The following CENPK variants were observed in gnomAD, a reference collection of about 807,000 sequenced individuals.
The protein encoded by CENPK is SoxLZ/Sox6-binding protein Solt.
Under a neutral mutation model 40.9 loss-of-function variants are expected in CENPK, and 46 were observed. The ratio of observed to expected loss-of-function variants is 1.13; its 90% CI spans 0.89 to 1.44. CENPK has a LOEUF of 1.44. Among genes scored for constraint, CENPK ranks in the 40% most tolerant of loss-of-function variants. The pLI, the probability that CENPK is intolerant of heterozygous loss-of-function variation, is 0.00. For synonymous variants in CENPK, 107 were observed against 104.4 expected, an observed-to-expected ratio of 1.02 and a Z score of -0.15; for missense variants, 288 against 303.5, an observed-to-expected ratio of 0.95 and a Z score of 0.38.
At chr5:65,534,703 T>C (rs1307488324) in intron 6 of CENPK, among the ~76,000 whole-genome samples, 11 of 152,214 alleles carry the variant, frequency 7.2e-5, no homozygotes, top group African/African-American at 2.7e-4. Flanking sequence ...CCGATATCAC[T>C]AACTCATACT....
At chr5:65,497,066 AAAAAT>A in the CENPK span, among the ~76,000 whole-genome samples, 2 of 151,918 alleles carry the variant, frequency 1.3e-5, no homozygotes, top group African/African-American at 4.8e-5. Flanking sequence ...TCCAAAAAAT[AAAAAT>A]AAAATAAAAA....
At chr5:65,534,422 A>G (rs1327864035) in intron 6 of CENPK, among the ~76,000 whole-genome samples, 2 of 152,224 alleles carry the variant, frequency 1.3e-5, no homozygotes, top group Non-Finnish European at 2.9e-5. Flanking sequence ...AAAGAACAAC[A>G]AAGTTAGAGA....
At chr5:65,533,309 C>A (rs1483410458) in intron 6 of CENPK, among the ~76,000 whole-genome samples, 1 of 148,020 alleles carries the variant, frequency 6.8e-6, no homozygotes, top group Non-Finnish European at 1.5e-5. Context: ...GAGATCGTGC[C>A]ATTGCACTCC....
chr5:65,497,368 CA>C, the CENPK span, among the ~76,000 whole-genome samples: 6 of 144,470 alleles, frequency 4.2e-5, no homozygotes, highest in Non-Finnish European at 3.0e-5. Context: ...GACTCCCTTT[CA>C]AAAAAAAAAG....
At chr5:65,518,704 G>T in intron 10 of CENPK, 71 bp from the exon 11 acceptor site, 1 of 944,660 alleles carries the variant, frequency 1.1e-6, no homozygotes, top group Non-Finnish European at 1.6e-6. Context: ...AAAGTTTTTT[G>T]TCAAAGAATA....
At chr5:65,549,581 C>A (rs538332190) in intron 5 of CENPK, among the ~76,000 whole-genome samples, 1 of 152,288 alleles carries the variant, frequency 6.6e-6, no homozygotes, top group South Asian at 2.1e-4. Context: ...TTAGCTAGAT[C>A]TTCTGGATAA....
In CENPK at chr5:65,554,934, C is replaced by T. The variant is rs542351057; in HGVS notation, c.-27G>A. The T allele has an allele frequency of 7.2e-7, 1 of 1,388,338 alleles. No homozygotes were observed. Among genetic ancestry groups the T allele is most frequent in the African/African-American group, 1.4e-5 (1 of 69,934 alleles). The allele number at this position is 1,388,338 out of a possible 1,614,324, so 86.0% of individuals were successfully genotyped here. ...GATATATGCTTTGTGAATTTTTAGCCTTATAAGAAAAACTAAAGCAAAAAA... is the reference window on the plus strand; with the variant it reads ...GATATATGCTTTGTGAATTTTTAGCTTTATAAGAAAAACTAAAGCAAAAAA... On this transcript the variant is annotated 5_prime_UTR_variant, in exon 3 of 11. Coordinates refer to ENST00000396679, the MANE Select transcript of CENPK (RefSeq NM_022145.5).
intron 5 of CENPK, among the ~76,000 whole-genome samples, chr5:65,548,865 G>A (rs1364214358): frequency 2.0e-5 from 3 of 152,064 alleles, no homozygotes; most frequent in African/African-American, 7.2e-5. Context: ...ACCCCTCAGA[G>A]TCATCCATGA....
chr5:65,542,706 G>A (rs1001434799), intron 6 of CENPK, 96 bp downstream of exon 6: 1 of 824,046 alleles, frequency 1.2e-6, no homozygotes, highest in Non-Finnish European at 1.9e-6. Context: ...TATGGTTTTA[G>A]AGTGGTTTTA....
chr5:65,524,152 G>C (rs1373422257), intron 9 of CENPK, among the ~76,000 whole-genome samples: 1 of 151,538 alleles, frequency 6.6e-6, no homozygotes. Context: ...AAGGCGGGCA[G>C]ATCACCAGCT....
At chr5:65,511,188 G>C in the CENPK span, among the ~76,000 whole-genome samples, 4 of 152,210 alleles carry the variant, frequency 2.6e-5, no homozygotes, top group African/African-American at 7.2e-5. Flanking sequence ...CAAAAGAAAA[G>C]TGTGAAGCTA....
intron 1 of CENPK, among the ~76,000 whole-genome samples, chr5:65,561,871 C>T (rs1327482756): frequency 2.0e-5 from 3 of 152,110 alleles, no homozygotes; most frequent in African/African-American, 7.2e-5. Context: ...TTCATTTATT[C>T]AACAAATATG....
At chr5:65,516,913 T>A (rs1268587217), downstream of CENPK, among the ~76,000 whole-genome samples, 4 of 152,084 alleles carry the variant, frequency 2.6e-5, no homozygotes, top group Admixed American at 6.6e-5. Flanking sequence ...AAGAATACAG[T>A]CTATTGGTAG....
chr5:65,503,950 C>T, the CENPK span, among the ~76,000 whole-genome samples: 41 of 140,412 alleles, frequency 2.9e-4, no homozygotes, highest in African/African-American at 1.1e-3. Context: ...GTCACCGTGC[C>T]CGGCCTGCTA....
intron 6 of CENPK, among the ~76,000 whole-genome samples, chr5:65,541,137 A>T (rs187573834): frequency 5.4e-4 from 82 of 152,182 alleles, no homozygotes; most frequent in Non-Finnish European, 7.1e-4. Context: ...ATCCTTTGTA[A>T]TATCTCTTAT....
chr5:65,545,368 A>AG (rs1748733782), intron 5 of CENPK, among the ~76,000 whole-genome samples: 1 of 109,884 alleles, frequency 9.1e-6, no homozygotes, highest in Non-Finnish European at 2.1e-5. Context: ...ACACACACAC[A>AG]CACACACACA....
intron 8 of CENPK, 48 bp downstream of exon 8, chr5:65,528,871 A>T (rs1438271236): frequency 8.3e-7 from 1 of 1,200,086 alleles, no homozygotes; most frequent in East Asian, 2.4e-5. Flanking sequence ...TAACACAAAA[A>T]ATAAAATACT....
the CENPK span, among the ~76,000 whole-genome samples, chr5:65,504,523 T>C: frequency 3.3e-3 from 503 of 151,534 alleles, 2 homozygotes; most frequent in Non-Finnish European, 4.7e-3. Flanking sequence ...CAGATGTTTA[T>C]TACTTACTTT....
chr5:65,515,392 G>A (rs184710596), downstream of CENPK, among the ~76,000 whole-genome samples: 1,411 of 151,718 alleles, frequency 9.3e-3, 23 homozygotes, highest in African/African-American at 0.033. Context: ...TAGTAGAGAC[G>A]GGGTTTCACC....
Sources: gnomAD v4.1 joint callset for allele counts (sites outside exome capture counted in the v4.1 genomes callset) on GRCh38, gnomAD v4.1.1 for gene constraint, MANE v1.5 for transcripts, NCBI Gene and HGNC (gene_info 2026-07-23, HGNC 2026-07-21) for gene names.